The following SNTG1 variants were observed in gnomAD, a reference collection of about 807,000 sequenced individuals.
SNTG1 encodes the protein syntrophin gamma 1.
SNTG1 carries 39 observed loss-of-function variants against 74.7 expected under a neutral mutation model. The ratio of observed to expected loss-of-function variants is 0.52; its 90% CI spans 0.40 to 0.68. The LOEUF (loss-of-function observed/expected upper bound fraction) is 0.68. SNTG1 is among the 30% of genes least tolerant of loss of function. The pLI is 0.00. For missense variants in SNTG1, 685 were observed against 609.5 expected, an observed-to-expected ratio of 1.12 and a Z score of -1.30; for synonymous variants, 254 against 217.1, an observed-to-expected ratio of 1.17 and a Z score of -1.49.
At chr8:50,709,327 T>C (rs2095454948) in intron 17 of SNTG1, 1 of 312,410 alleles carries the variant, frequency 3.2e-6, no homozygotes, top group Non-Finnish European at 5.8e-6. Context: ...CATGTTTCTT[T>C]ATACTTTACC....
At chr8:50,261,677 C>A (rs891990724) in intron 2 of SNTG1, among the ~76,000 whole-genome samples, 1 of 151,980 alleles carries the variant, frequency 6.6e-6, no homozygotes, top group Non-Finnish European at 1.5e-5. Context: ...CTTGCACTCT[C>A]TGAAAAGCAG....
chr8:50,178,407 G>GCACA (rs1277982174), intron 2 of SNTG1, among the ~76,000 whole-genome samples: 24 of 148,922 alleles, frequency 1.6e-4, no homozygotes, highest in African/African-American at 5.7e-4. Context: ...ACACGTGCGC[G>GCACA]CGCACACACA....
chr8:50,193,963 C>T (rs971936986), intron 2 of SNTG1, among the ~76,000 whole-genome samples: 12 of 152,030 alleles, frequency 7.9e-5, no homozygotes, highest in South Asian at 2.1e-4. Flanking sequence ...GTTTTTGTGG[C>T]GTACCACATT....
chr8:50,032,321 TCTTTA>T (rs1410586880), intron 1 of SNTG1, among the ~76,000 whole-genome samples: 1 of 152,228 alleles, frequency 6.6e-6, no homozygotes, highest in East Asian at 1.9e-4. Context: ...ATTTCTTTTT[TCTTTA>T]CTTGGGAGTT....
At chr8:50,788,377 T>C (rs1189064175) in intron 18 of SNTG1, among the ~76,000 whole-genome samples, 12 of 152,058 alleles carry the variant, frequency 7.9e-5, no homozygotes, top group Non-Finnish European at 1.8e-4. Flanking sequence ...ACTTGAGTTA[T>C]GGTTTAATGA....
intron 2 of SNTG1, among the ~76,000 whole-genome samples, chr8:50,260,458 A>G (rs1685747590): frequency 6.6e-6 from 1 of 152,072 alleles, no homozygotes; most frequent in Admixed American, 6.6e-5. Flanking sequence ...ATGCATCACT[A>G]AAGTACTGTT....
intron 2 of SNTG1, among the ~76,000 whole-genome samples, chr8:50,218,252 A>G (rs1221652521): frequency 6.6e-6 from 1 of 152,204 alleles, no homozygotes; most frequent in African/African-American, 2.4e-5. Flanking sequence ...GTAGAAAATT[A>G]CACAATTGAG....
At chr8:49,992,641 G>T (rs1297909988) in intron 1 of SNTG1, among the ~76,000 whole-genome samples, 2 of 152,240 alleles carry the variant, frequency 1.3e-5, no homozygotes, top group South Asian at 2.1e-4. Context: ...AACTTAAATT[G>T]CCTTTCATGA....
chr8:50,160,941 C>G (rs1463466484), intron 1 of SNTG1, among the ~76,000 whole-genome samples: 1 of 152,032 alleles, frequency 6.6e-6, no homozygotes, highest in Non-Finnish European at 1.5e-5. Context: ...AAGGGGAGTT[C>G]AGGCAGACAC....
intron 13 of SNTG1, among the ~76,000 whole-genome samples, chr8:50,607,022 A>T (rs985421051): frequency 6.6e-6 from 1 of 151,924 alleles, no homozygotes; most frequent in African/African-American, 2.4e-5. Context: ...TTTCTGAGAG[A>T]CATTGATATG....
chr8:50,604,538 G>A (rs2094798639), intron 13 of SNTG1, among the ~76,000 whole-genome samples: 1 of 152,086 alleles, frequency 6.6e-6, no homozygotes, highest in South Asian at 2.1e-4. Flanking sequence ...CCTTTTTACA[G>A]GCAGGGGAGT....
chr8:50,525,464 C>T (rs1362037749), intron 9 of SNTG1, among the ~76,000 whole-genome samples: 2 of 152,096 alleles, frequency 1.3e-5, no homozygotes, highest in East Asian at 1.9e-4. Context: ...TGAATAAGCT[C>T]TCTGCCCATC....
chr8:49,964,871 A>G (rs1453357329), intron 1 of SNTG1, among the ~76,000 whole-genome samples: 1 of 152,200 alleles, frequency 6.6e-6, no homozygotes, highest in Non-Finnish European at 1.5e-5. Flanking sequence ...AGTTTAGTGT[A>G]TTTCATTTTT....
At chr8:50,179,114 C>T (rs1011446664) in intron 2 of SNTG1, among the ~76,000 whole-genome samples, 5 of 151,994 alleles carry the variant, frequency 3.3e-5, no homozygotes, top group Admixed American at 2.6e-4. Context: ...ATTAGTTGAC[C>T]ATGTATGCTT....
At chr8:50,316,280 T>C (rs556857931) in intron 2 of SNTG1, among the ~76,000 whole-genome samples, 22 of 152,280 alleles carry the variant, frequency 1.4e-4, no homozygotes, top group African/African-American at 5.1e-4. Context: ...AGTTTCAGTT[T>C]GATCATGAAA....
intron 18 of SNTG1, among the ~76,000 whole-genome samples, chr8:50,774,202 C>T (rs2131798905): frequency 6.6e-6 from 1 of 151,744 alleles, no homozygotes; most frequent in South Asian, 2.1e-4. Flanking sequence ...TGGATAGAAA[C>T]AATATTTTAA....
At chr8:50,617,624 T>G (rs1483027980) in intron 13 of SNTG1, among the ~76,000 whole-genome samples, 6 of 152,298 alleles carry the variant, frequency 3.9e-5, no homozygotes, top group Non-Finnish European at 7.3e-5. Flanking sequence ...GCAAGACTCC[T>G]GTCTCAAGAG....
chr8:50,512,205 G>A (rs955522568), intron 9 of SNTG1, among the ~76,000 whole-genome samples: 1 of 151,968 alleles, frequency 6.6e-6, no homozygotes, highest in Non-Finnish European at 1.5e-5. Flanking sequence ...GAAATTCTGA[G>A]TTGAAAATTC....
At chr8:50,770,113 G>A (rs1347096488) in intron 18 of SNTG1, among the ~76,000 whole-genome samples, 1 of 152,090 alleles carries the variant, frequency 6.6e-6, no homozygotes, top group African/African-American at 2.4e-5. Flanking sequence ...ATAAACGCTG[G>A]AATGCAAATT....
Sources: gnomAD v4.1 joint callset for allele counts (sites outside exome capture counted in the v4.1 genomes callset) on GRCh38, gnomAD v4.1.1 for gene constraint, MANE v1.5 for transcripts, NCBI Gene and HGNC (gene_info 2026-07-23, HGNC 2026-07-21) for gene names.